Variants in HMGCLL1 observed in about 807,000 individuals in gnomAD.
HMGCLL1 encodes the protein 3-hydroxy-3-methylglutaryl-CoA lyase like 1.
A neutral mutation model predicts 39.1 loss-of-function variants in HMGCLL1; 36 were observed. The ratio of observed to expected loss-of-function variants is 0.92; its 90% CI spans 0.71 to 1.22. The LOEUF (loss-of-function observed/expected upper bound fraction) is 1.22, where lower values mean the gene tolerates loss of function less well. Among genes scored for constraint, HMGCLL1 ranks in the 50% most tolerant of loss-of-function variants. The pLI, the probability that HMGCLL1 is intolerant of heterozygous loss-of-function variation, is 0.00. For missense variants in HMGCLL1, 451 were observed against 416.5 expected, an observed-to-expected ratio of 1.08 and a Z score of -0.72; for synonymous variants, 149 against 144.0, an observed-to-expected ratio of 1.03 and a Z score of -0.25.
chr6:55,439,674 A>C, intron 7 of HMGCLL1, 115 bp from the exon 8 acceptor site: 1 of 1,121,940 alleles, frequency 8.9e-7, no homozygotes, highest in Non-Finnish European at 1.3e-6. Flanking sequence ...GGTTATTCAA[A>C]TATATTCACT....
At chr6:55,549,751 C>A (rs1282087048) in intron 1 of HMGCLL1, among the ~76,000 whole-genome samples, 2 of 151,626 alleles carry the variant, frequency 1.3e-5, no homozygotes, top group Non-Finnish European at 2.9e-5. Context: ...TTATAAAAAG[C>A]AATCAAATTT....
At chr6:55,638,494 C>T in the HMGCLL1 span, among the ~76,000 whole-genome samples, 4 of 151,850 alleles carry the variant, frequency 2.6e-5, no homozygotes, top group South Asian at 8.3e-4. Flanking sequence ...AAAACTACCT[C>T]AAATGACAAA....
the HMGCLL1 span, among the ~76,000 whole-genome samples, chr6:55,586,139 T>C: frequency 6.6e-6 from 1 of 152,110 alleles, no homozygotes; most frequent in Non-Finnish European, 1.5e-5. Context: ...GGAAATATAA[T>C]GTTGCTTAAC....
intron 7 of HMGCLL1, among the ~76,000 whole-genome samples, chr6:55,486,216 G>C (rs1581843651): frequency 6.6e-6 from 1 of 150,998 alleles, no homozygotes; most frequent in South Asian, 2.1e-4. Flanking sequence ...AGTATTTTTT[G>C]TGATTTTCCA....
At chr6:55,449,379 A>G (rs1581792023) in intron 7 of HMGCLL1, among the ~76,000 whole-genome samples, 1 of 152,346 alleles carries the variant, frequency 6.6e-6, no homozygotes, top group Admixed American at 6.5e-5. Flanking sequence ...TTGAGGCCTT[A>G]GGGAGTGGTG....
intron 7 of HMGCLL1, among the ~76,000 whole-genome samples, chr6:55,455,488 G>A (rs1764283964): frequency 6.6e-6 from 1 of 152,068 alleles, no homozygotes; most frequent in African/African-American, 2.4e-5. Context: ...ATATATAGAA[G>A]AAAAGCAGAT....
At chr6:55,654,465 A>G in the HMGCLL1 span, among the ~76,000 whole-genome samples, 1 of 151,930 alleles carries the variant, frequency 6.6e-6, no homozygotes, top group Admixed American at 6.6e-5. Context: ...GTTGCTTATG[A>G]GCATATATCC....
At chr6:55,668,147 G>A in the HMGCLL1 span, among the ~76,000 whole-genome samples, 1 of 151,862 alleles carries the variant, frequency 6.6e-6, no homozygotes, top group Admixed American at 6.6e-5. Flanking sequence ...GGCATTTCGG[G>A]CTAAAATGGA....
chr6:55,504,012 A>T (rs1051363721), intron 5 of HMGCLL1, among the ~76,000 whole-genome samples: 1 of 151,678 alleles, frequency 6.6e-6, no homozygotes, highest in Non-Finnish European at 1.5e-5. Context: ...CATGGATTTG[A>T]TTACATATTT....
At chr6:55,609,041 T>C in the HMGCLL1 span, among the ~76,000 whole-genome samples, 5 of 152,246 alleles carry the variant, frequency 3.3e-5, no homozygotes, top group East Asian at 9.6e-4. Context: ...TGCTTTTTCC[T>C]TAGAACTGTG....
chr6:55,490,728 A>C (rs1766265521), intron 7 of HMGCLL1, among the ~76,000 whole-genome samples: 1 of 152,170 alleles, frequency 6.6e-6, no homozygotes, highest in Admixed American at 6.6e-5. Flanking sequence ...AGCTTTTTCC[A>C]ACTATCCATA....
At chr6:55,651,666 A>G in the HMGCLL1 span, among the ~76,000 whole-genome samples, 1 of 152,038 alleles carries the variant, frequency 6.6e-6, no homozygotes, top group African/African-American at 2.4e-5. Context: ...CTGCCTAGGA[A>G]TTGTAGTCCT....
intron 1 of HMGCLL1, among the ~76,000 whole-genome samples, chr6:55,574,820 C>G (rs972449944): frequency 1.3e-5 from 2 of 151,952 alleles, no homozygotes; most frequent in Non-Finnish European, 2.9e-5. Flanking sequence ...TCCAGAGACC[C>G]TTTAGCACCA....
At chr6:55,537,361 T>C (rs992103194) in intron 3 of HMGCLL1, among the ~76,000 whole-genome samples, 2 of 152,210 alleles carry the variant, frequency 1.3e-5, no homozygotes, top group African/African-American at 4.8e-5. Flanking sequence ...GGAATGTATA[T>C]AACTAGATGA....
intron 1 of HMGCLL1, among the ~76,000 whole-genome samples, chr6:55,576,906 C>T (rs955161576): frequency 1.3e-5 from 2 of 152,052 alleles, no homozygotes; most frequent in African/African-American, 2.4e-5. Context: ...GATACCTAAG[C>T]GATGATGTCA....
At chr6:55,545,796 G>GA (rs968913795) in intron 1 of HMGCLL1, among the ~76,000 whole-genome samples, 4 of 150,756 alleles carry the variant, frequency 2.7e-5, no homozygotes, top group African/African-American at 7.3e-5. Context: ...AAGCTCATTA[G>GA]AAAAAAAAAG....
At chr6:55,607,366 T>C in the HMGCLL1 span, among the ~76,000 whole-genome samples, 2 of 152,184 alleles carry the variant, frequency 1.3e-5, no homozygotes, top group Non-Finnish European at 2.9e-5. Context: ...TCATTTAAAG[T>C]GCAAAAGAAG....
At chr6:55,622,229 G>A in the HMGCLL1 span, among the ~76,000 whole-genome samples, 1 of 151,984 alleles carries the variant, frequency 6.6e-6, no homozygotes. Flanking sequence ...AGGATAATTT[G>A]AAGTCTTCCT....
At chr6:55,649,525 G>A in the HMGCLL1 span, among the ~76,000 whole-genome samples, 1,242 of 151,388 alleles carry the variant, frequency 8.2e-3, 11 homozygotes, top group African/African-American at 0.028. Flanking sequence ...ATTCTTGGCC[G>A]TCAGGAATTT....
Sources: allele counts gnomAD v4.1 joint callset (sites outside exome capture counted in the v4.1 genomes callset), GRCh38; gene constraint gnomAD v4.1.1; transcripts MANE v1.5; gene names NCBI Gene and HGNC (gene_info 2026-07-23, HGNC 2026-07-21).